NUP155: variants seen among roughly 807,000 people sequenced by gnomAD.
NUP155 encodes the protein nucleoporin 155, also known as nuclear pore complex protein Nup155.
A neutral mutation model predicts 180.4 loss-of-function variants in NUP155; 71 were observed. The observed-to-expected ratio is 0.39, with a 90% confidence interval of 0.33 to 0.48. The LOEUF (loss-of-function observed/expected upper bound fraction) is 0.48. Ranked by LOEUF, NUP155 falls within the 20% of genes least tolerant of loss-of-function variation. The pLI, the probability that NUP155 is intolerant of heterozygous loss-of-function variation, is 0.91. For missense variants in NUP155, 1,553 were observed against 1,648.9 expected, an observed-to-expected ratio of 0.94 and a Z score of 1.01; for synonymous variants, 582 against 559.5, an observed-to-expected ratio of 1.04 and a Z score of -0.57.
chr5:37,343,233 C>T (rs1477018866), intron 9 of NUP155, among the ~76,000 whole-genome samples: 1 of 152,012 alleles, frequency 6.6e-6, no homozygotes. Flanking sequence ...CGCCACCACA[C>T]CTGGCTAATT....
In NUP155 at chr5:37,370,880, T is replaced by C; in HGVS notation, c.98A>G (p.Gln33Arg). The C allele has an allele frequency of 6.2e-7, 1 of 1,614,198 alleles. No individual in the cohort carries two copies. The highest frequency in any genetic ancestry group is 8.5e-7 in the Non-Finnish European group (1 of 1,180,034). ...CGGGTACATGCGGTCCTCTTGCAAC[T>C]GACGGTCGATGAGCCGTCCAGCATT... ...LENAGRLIDR[Q>R]LQEDRMYPDL... The change falls in exon 1 of 35, where the codon CAG becomes CGG. Residue 33 changes from glutamine to arginine, a missense_variant. Gln to Arg is a conservative substitution (Grantham distance 43, BLOSUM62 1). Coordinates refer to ENST00000231498, the MANE Select transcript of NUP155 (RefSeq NM_153485.3).
chr5:37,305,002 A>G, intron 26 of NUP155, 55 bp downstream of exon 26: 2 of 1,591,892 alleles, frequency 1.3e-6, no homozygotes, highest in Non-Finnish European at 1.7e-6. Flanking sequence ...TACCATTACC[A>G]TGGAGAACTT....
Position 37,303,021 on chromosome 5 carries a change from A to C in NUP155, c.3318-113T>G, listed in dbSNP as rs566162693. 5.6e-5 allele frequency: 69 copies of C among 1,240,346 alleles called. No homozygotes were observed. In the African/African-American group the frequency reaches 9.6e-4, roughly 17 times the overall value. The allele number at this position is 1,240,346 out of a possible 1,614,324, so 76.8% of individuals were successfully genotyped here. A position where few individuals can be genotyped will look rare whatever the true frequency, so the allele number is the denominator to read the frequency against. ...CAAACACACATAAAAAGCCATCTGA[A>C]ACTTGAAAAAAAATCATTAGATTTA... On this transcript the variant is annotated intron_variant, in intron 28 of 34. Transcript: ENST00000231498.
At chr5:37,363,762 G>A in intron 3 of NUP155, 126 bp downstream of exon 3, 1 of 703,324 alleles carries the variant, frequency 1.4e-6, no homozygotes, top group Non-Finnish European at 2.6e-6. Context: ...CTGATACTGA[G>A]AAGCACTGAC....
At position 37,293,004 on chromosome 5, in the gene NUP155, A is replaced by G; in HGVS notation, c.3931-19T>C. The G allele has an allele frequency of 1.3e-6, 2 of 1,489,460 alleles. No individual in the cohort carries two copies. Among genetic ancestry groups the G allele is most frequent in the Non-Finnish European group, 1.9e-6 (2 of 1,066,650 alleles). The allele number at this position is 1,489,460 out of a possible 1,614,324, so 92.3% of individuals were successfully genotyped here. ...ATGGATCCTATGAAGAAATATACATAATGAAATGTGAGGCAAATTGTGTCA... is the reference window on the plus strand; with the variant it reads ...ATGGATCCTATGAAGAAATATACATGATGAAATGTGAGGCAAATTGTGTCA... On this transcript the variant is annotated intron_variant, in intron 33 of 34. Transcript: ENST00000231498.
chr5:37,319,507 G>A (rs953992962), intron 20 of NUP155, among the ~76,000 whole-genome samples: 2 of 152,170 alleles, frequency 1.3e-5, no homozygotes, highest in Middle Eastern at 3.2e-3. Context: ...AAATACATTT[G>A]ACAAACTCAC....
chr5:37,314,895 G>T (rs568949468), intron 21 of NUP155, among the ~76,000 whole-genome samples: 5 of 152,038 alleles, frequency 3.3e-5, no homozygotes, highest in Admixed American at 3.3e-4. Context: ...CAGTAGGGAA[G>T]AAAGTAACTT....
At chr5:37,356,137 G>A (rs1047447722) in intron 4 of NUP155, among the ~76,000 whole-genome samples, 2 of 150,650 alleles carry the variant, frequency 1.3e-5, no homozygotes, top group Non-Finnish European at 2.9e-5. Context: ...GCTGAGGCAG[G>A]AGAATCGCTT....
intron 5 of NUP155, 108 bp downstream of exon 5, chr5:37,352,629 A>T (rs1246539215): frequency 1.4e-6 from 1 of 738,026 alleles, no homozygotes; most frequent in African/African-American, 1.7e-5. Flanking sequence ...ATAATCATTA[A>T]TGTGAGTCAA....
At chr5:37,293,330 A>G (rs1236472588) in intron 33 of NUP155, among the ~76,000 whole-genome samples, 1 of 152,238 alleles carries the variant, frequency 6.6e-6, no homozygotes, top group Non-Finnish European at 1.5e-5. Context: ...ATGCAGATTT[A>G]GTCTGACATC....
chr5:37,362,979 C>A (rs577387876), intron 3 of NUP155, among the ~76,000 whole-genome samples: 1 of 152,306 alleles, frequency 6.6e-6, no homozygotes, highest in Admixed American at 6.5e-5. Context: ...GTGGCACTAT[C>A]TCAGCTCACT....
At chr5:37,298,055 T>G (rs934705448) in intron 32 of NUP155, among the ~76,000 whole-genome samples, 2 of 151,728 alleles carry the variant, frequency 1.3e-5, no homozygotes, top group Non-Finnish European at 2.9e-5. Flanking sequence ...CTAGACAACA[T>G]GGGGAAACCT....
chr5:37,316,447 T>C (rs1331196547), intron 21 of NUP155, among the ~76,000 whole-genome samples: 1 of 152,156 alleles, frequency 6.6e-6, no homozygotes, highest in Non-Finnish European at 1.5e-5. Context: ...TATTATTTCA[T>C]GGGTACAGAG....
Position 37,331,680 on chromosome 5 carries a change from A to G in NUP155, c.1629+5T>C, listed in dbSNP as rs985772995. 4 of 1,512,030 alleles carry G rather than the reference A, an allele frequency of 2.6e-6. No individual in the cohort carries two copies. Among genetic ancestry groups the G allele is most frequent in the African/African-American group, 1.4e-5 (1 of 73,190 alleles). The allele number at this position is 1,512,030 out of a possible 1,614,324, so 93.7% of individuals were successfully genotyped here. ...ATCACATTTTTTAAAAGTATATATAATTACCTGATGTAATTTAAAGAATCT... is the reference window on the plus strand; with the variant it reads ...ATCACATTTTTTAAAAGTATATATAGTTACCTGATGTAATTTAAAGAATCT... On this transcript the variant is annotated splice_donor_5th_base_variant and intron_variant, in intron 14 of 34. Transcript: ENST00000231498.
intron 12 of NUP155, among the ~76,000 whole-genome samples, chr5:37,336,759 C>T (rs535936775): frequency 6.6e-5 from 10 of 152,266 alleles, no homozygotes; most frequent in Admixed American, 1.3e-4. Flanking sequence ...GCTCCTACCC[C>T]AGCTCTTTGA....
chr5:37,370,398 C>A (rs1235201990), intron 1 of NUP155, among the ~76,000 whole-genome samples: 1 of 152,194 alleles, frequency 6.6e-6, no homozygotes, highest in East Asian at 1.9e-4. Flanking sequence ...AAATATAAAG[C>A]AAAGCGTATC....
rs1554123142 is a variant in NUP155, at chr5:37,288,771, A to AGGGGGGGAGGGGGGGGGGGGGGGGGG, written c.*3128_*3129insCCCCCCCCCCCCCCCCCCTCCCCCCC. On this transcript the variant is annotated 3_prime_UTR_variant, in exon 35 of 35. Coordinates refer to ENST00000231498, the MANE Select transcript of NUP155 (RefSeq NM_153485.3). ...TTAAAAAAAAAAAAAAAAAAAAAGT[A>AGGGGGGGAGGGGGGGGGGGGGGGGGG]GGGGGGGTGGGGCTAGGCGCAGTGG... The AGGGGGGGAGGGGGGGGGGGGGGGGGG allele has an allele frequency of 1.7e-5, 1 of 57,650 alleles. No homozygotes were observed. The highest frequency in any genetic ancestry group is 3.5e-5 in the Non-Finnish European group (1 of 28,614). 3.6% of individuals were successfully genotyped at this position (57,650 alleles called of 1,614,324 possible).
rs1745795461 is a variant in NUP155 at position 37,342,538 on chromosome 5, AAAC to A, written c.1093+8_1093+10del. On this transcript the variant is annotated splice_region_variant and intron_variant, in intron 10 of 34. Transcript: ENST00000231498. ...AACAGTAATAGCAGATATGTAAATA[AAAC>A]AACATACCTGCATGTGTGACAGCCA... The A allele has an allele frequency of 1.9e-6, 3 of 1,556,402 alleles. No individual in the cohort carries two copies. The South Asian group carries it at 3.3e-5, about 17-fold the overall frequency.
At position 37,325,788 on chromosome 5, in the gene NUP155, A is replaced by AT. The variant is rs1055407622; in HGVS notation, c.2091+112_2091+113insA. ...TGTCTCAAAAAAAAAAAAAAAAAAA[A>AT]AAATAACCTTTGCCATCTTATTTGT... On this transcript the variant is annotated intron_variant, in intron 19 of 34. Coordinates refer to ENST00000231498, the MANE Select transcript of NUP155 (RefSeq NM_153485.3). 1.3e-5 allele frequency: 9 copies of AT among 707,038 alleles called. No homozygotes were observed. The African/African-American group carries it at 1.3e-4, about 10-fold the overall frequency. 43.8% of individuals were successfully genotyped at this position (707,038 alleles called of 1,614,324 possible). A position where few individuals can be genotyped will look rare whatever the true frequency, so the allele number is the denominator to read the frequency against.
Sources: gnomAD v4.1 joint callset for allele counts (sites outside exome capture counted in the v4.1 genomes callset) on GRCh38, gnomAD v4.1.1 for gene constraint, MANE v1.5 for transcripts, NCBI Gene and HGNC (gene_info 2026-07-23, HGNC 2026-07-21) for gene names.